The following ANTXRL variants were observed in gnomAD, a reference collection of about 807,000 sequenced individuals.
The protein encoded by ANTXRL is anthrax toxin receptor-like.
ANTXRL carries 63 observed loss-of-function variants against 75.4 expected under a neutral mutation model. That is an observed-to-expected ratio of 0.84 (90% CI 0.68 to 1.03). The LOEUF is 1.03. ANTXRL is among the 50% of genes least tolerant of loss of function. The pLI is 0.00. For synonymous variants in ANTXRL, 335 were observed against 291.3 expected, an observed-to-expected ratio of 1.15 and a Z score of -1.53; for missense variants, 797 against 789.4, an observed-to-expected ratio of 1.01 and a Z score of -0.12.
rs1554963996 is a variant in ANTXRL, at chr10:46,313,281, C to A, written c.1375C>A (p.Gln459Lys). 6.5e-7 allele frequency: 1 copy of A among 1,535,922 alleles called. No individual in the cohort carries two copies. The highest frequency in any genetic ancestry group is 8.7e-7 in the Non-Finnish European group (1 of 1,146,740). Residue 459 changes from glutamine (Q) to lysine (K), a missense_variant, in exon 16 of 17, where the codon CAG (glutamine) becomes AAG (lysine). By Grantham distance (53) the Gln-to-Lys change is moderately conservative. Coordinates refer to ENST00000620264, the MANE Select transcript of ANTXRL (RefSeq NM_001278688.3). ...TGACCTCTCTCACGCAAGCTGCCAC[C>A]AGGTGCCATGGATGTGTTGTCAGAG... Reference protein sequence around the residue: ...FCDLSHASCHQVPWMCCQSRD... With the variant: ...FCDLSHASCHKVPWMCCQSRD...
intron 13 of ANTXRL, among the ~76,000 whole-genome samples, chr10:46,309,626 G>A (rs1838303975): frequency 6.6e-6 from 1 of 152,320 alleles, no homozygotes; most frequent in South Asian, 2.1e-4. Context: ...AATGGAGGAC[G>A]CTGTAACCCC....
Position 46,324,765 on chromosome 10 carries a change from T to C in ANTXRL, c.1411-4834T>C, listed in dbSNP as rs1839135973. On this transcript the variant is annotated intron_variant, in intron 16 of 16. Transcript: ENST00000620264. ...GGGCCTGAGTTTTGATCTTATCGAT[T>C]TGTCTGTAGAGAGCATAACCATTCT... is the stretch of plus-strand genomic sequence containing the variant. Among the ~76,000 whole-genome samples the C allele has an allele frequency of 4.6e-5, 7 of 152,224 alleles. No homozygotes were observed. The South Asian group carries it at 1.0e-3, about 23-fold the overall frequency.
intron 1 of ANTXRL, among the ~76,000 whole-genome samples, chr10:46,290,165 C>G (rs1836925934): frequency 6.6e-6 from 1 of 151,566 alleles, no homozygotes; most frequent in Admixed American, 6.6e-5. Context: ...GCATCAGCCT[C>G]CTGAGTAGCT....
rs565148773 is a variant in ANTXRL at position 46,293,556 on chromosome 10, A to T, written c.321-273A>T. Among the ~76,000 whole-genome samples the T allele has an allele frequency of 2.9e-3, 419 of 144,432 alleles. 3 individuals are homozygous for T. Among genetic ancestry groups the T allele is most frequent in the African/African-American group, 0.01 (389 of 38,562 alleles). The allele number at this position is 144,432 out of a possible 152,430, so 94.8% of individuals were successfully genotyped here. ...GTGCATGTGTGTGCATATGTGTGTG[A>T]GTGTGTGCCTGTGTGTGCGCGTGTG... On this transcript the variant is annotated intron_variant, in intron 2 of 16. Transcript: ENST00000620264.
At chr10:46,312,298 T>G (rs1283002027) in intron 15 of ANTXRL, among the ~76,000 whole-genome samples, 1 of 149,794 alleles carries the variant, frequency 6.7e-6, no homozygotes, top group Non-Finnish European at 1.5e-5. Flanking sequence ...TGCAGGAGCT[T>G]GAGCCCCGGA....
chr10:46,307,691 G>A (rs1449484710), intron 12 of ANTXRL, among the ~76,000 whole-genome samples: 2 of 152,104 alleles, frequency 1.3e-5, no homozygotes, highest in Non-Finnish European at 2.9e-5. Flanking sequence ...AGCACCTCTA[G>A]GCCAGGACCT....
At chr10:46,294,657 C>A (rs71498214) in intron 3 of ANTXRL, among the ~76,000 whole-genome samples, 5,932 of 152,090 alleles carry the variant, frequency 0.039, 124 homozygotes, top group Admixed American at 0.056. Context: ...GTGTGTCCTG[C>A]GCTGTGGGTT....
rs782261111 is a variant in ANTXRL at position 46,329,936 on chromosome 10, G to T, written c.1748G>T (p.Cys583Phe). The T allele has an allele frequency of 6.5e-7, 1 of 1,535,898 alleles. No homozygotes were observed. The highest frequency in any genetic ancestry group is 8.7e-7 in the Non-Finnish European group (1 of 1,146,744). The change falls in exon 17 of 17, where the codon TGC (cysteine) becomes TTC (phenylalanine). Residue 583 changes from cysteine to phenylalanine, a missense_variant. Around this residue, in one of 3 missense-constraint regions of ANTXRL, gnomAD observed 479 missense variants for 422.0 expected, o/e 1.14. Transcript: ENST00000620264. Reference sequence around the variant, plus strand: ...AGCTGCCTTCAACCCAGCCGGGAGTGCCTCCCCCTCACCTGCTCCTCCAGG... The same window carrying T: ...AGCTGCCTTCAACCCAGCCGGGAGTTCCTCCCCCTCACCTGCTCCTCCAGG... Reference protein sequence around the residue: ...PKSCLQPSRECLPLTCSSRCR... With the variant: ...PKSCLQPSREFLPLTCSSRCR...
intron 10 of ANTXRL, among the ~76,000 whole-genome samples, chr10:46,303,839 G>T (rs1241136196): frequency 2.6e-5 from 4 of 152,104 alleles, no homozygotes. Flanking sequence ...TGAGGGCCTG[G>T]GGTGCAGTTG....
intron 16 of ANTXRL, among the ~76,000 whole-genome samples, chr10:46,320,992 G>T (rs371045903): frequency 6.6e-6 from 1 of 152,144 alleles, no homozygotes; most frequent in Non-Finnish European, 1.5e-5. Flanking sequence ...TAACAATCAG[G>T]TTATTAATTG....
intron 10 of ANTXRL, 58 bp from the exon 11 acceptor site, chr10:46,306,745 G>A (rs1838113377): frequency 1.4e-6 from 2 of 1,407,556 alleles, no homozygotes; most frequent in East Asian, 2.5e-5. Context: ...GACAGACATG[G>A]GGAGGAACAG....
At chr10:46,304,582 T>C (rs1396487757) in intron 10 of ANTXRL, among the ~76,000 whole-genome samples, 1 of 152,178 alleles carries the variant, frequency 6.6e-6, no homozygotes, top group Non-Finnish European at 1.5e-5. Flanking sequence ...GTGATATTTT[T>C]GTTATCAGGC....
intron 10 of ANTXRL, among the ~76,000 whole-genome samples, chr10:46,306,054 C>G (rs1838062269): frequency 6.6e-6 from 1 of 152,150 alleles, no homozygotes; most frequent in African/African-American, 2.4e-5. Context: ...GGCCCTGCCC[C>G]CTGTCCTGGG....
intron 10 of ANTXRL, among the ~76,000 whole-genome samples, chr10:46,306,043 A>G (rs1407499026): frequency 6.6e-6 from 1 of 152,078 alleles, no homozygotes; most frequent in African/African-American, 2.4e-5. Flanking sequence ...AGGGCCCACA[A>G]GGCCCTGCCC....
Position 46,321,163 on chromosome 10 carries a change from T to C in ANTXRL, c.1410+7847T>C, listed in dbSNP as rs188532561. 1.0e-3 allele frequency among the ~76,000 whole-genome samples: 159 copies of C among 152,250 alleles called. 1 individual carries two copies. The highest frequency in any genetic ancestry group is 6.8e-3 in the Middle Eastern group (2 of 294). On this transcript the variant is annotated intron_variant, in intron 16 of 16. Transcript: ENST00000620264. ...TGGAATTGTTTCTTCATTTTTTTGG[T>C]TTTAGCCCACAAACCCAATTGCTCG...
At chr10:46,322,522 T>A (rs1325286847) in intron 16 of ANTXRL, among the ~76,000 whole-genome samples, 2 of 152,068 alleles carry the variant, frequency 1.3e-5, no homozygotes, top group African/African-American at 4.8e-5. Context: ...GTTTTTATTG[T>A]TTTCCCAGGA....
intron 16 of ANTXRL, among the ~76,000 whole-genome samples, chr10:46,326,742 C>T (rs1241989031): frequency 3.3e-5 from 5 of 152,064 alleles, no homozygotes; most frequent in Admixed American, 1.3e-4. Context: ...TGGGTCCAGT[C>T]GGCTTGTGGT....
At chr10:46,286,168 C>A (rs1836760982), upstream of ANTXRL, among the ~76,000 whole-genome samples, 2 of 152,082 alleles carry the variant, frequency 1.3e-5, no homozygotes, top group African/African-American at 4.8e-5. Flanking sequence ...GTGTTCCTGC[C>A]CATTGACTCT....
chr10:46,308,100 G>C (rs148963271), intron 12 of ANTXRL, among the ~76,000 whole-genome samples: 2 of 152,294 alleles, frequency 1.3e-5, no homozygotes, highest in South Asian at 4.1e-4. Flanking sequence ...GGATGTGCTG[G>C]AGGGACGGGC....
Sources: gnomAD v4.1 joint callset for allele counts (sites outside exome capture counted in the v4.1 genomes callset) on GRCh38, gnomAD v4.1.1 for gene constraint, gnomAD v4.1.1 regional missense constraint, MANE v1.5 for transcripts, NCBI Gene and HGNC (gene_info 2026-07-23, HGNC 2026-07-21) for gene names.